Variants in NELL2 observed in about 807,000 individuals in gnomAD.
The protein encoded by NELL2 is neural EGFL like 2, also known as protein kinase C-binding protein NELL2.
Under a neutral mutation model 109.6 loss-of-function variants are expected in NELL2, and 41 were observed. The ratio of observed to expected loss-of-function variants is 0.37; its 90% CI spans 0.29 to 0.49. The LOEUF is 0.49. Ranked by LOEUF, NELL2 falls within the 20% of genes least tolerant of loss-of-function variation. NELL2 has a pLI of 0.98. For missense variants in NELL2, 900 were observed against 1,008.3 expected (o/e 0.89, Z 1.45); for synonymous variants, 355 against 344.7 (o/e 1.03, Z -0.33).
At chr12:44,878,080 C>T (rs975547554), upstream of NELL2, among the ~76,000 whole-genome samples, 1 of 152,078 alleles carries the variant, frequency 6.6e-6, no homozygotes, top group African/African-American at 2.4e-5. Context: ...TACATATGCA[C>T]ATATATATTT....
chr12:44,550,856 C>G (rs80050018), intron 15 of NELL2, among the ~76,000 whole-genome samples: 2 of 152,010 alleles, frequency 1.3e-5, no homozygotes, highest in Non-Finnish European at 2.9e-5. Flanking sequence ...TTTCCAGCAG[C>G]TGAGGTTAAG....
At chr12:44,628,107 G>A (rs573067622) in intron 13 of NELL2, among the ~76,000 whole-genome samples, 9 of 151,928 alleles carry the variant, frequency 5.9e-5, no homozygotes, top group Non-Finnish European at 1.3e-4. Flanking sequence ...AAACAAAAAT[G>A]AGAAAAGAGG....
At chr12:44,684,991 T>C (rs944005090) in intron 12 of NELL2, among the ~76,000 whole-genome samples, 78 of 152,240 alleles carry the variant, frequency 5.1e-4, no homozygotes, top group Non-Finnish European at 9.7e-4. Flanking sequence ...TTCTGTCTCG[T>C]TGATCTGTCT....
intron 15 of NELL2, among the ~76,000 whole-genome samples, chr12:44,567,622 A>T: frequency 6.6e-6 from 1 of 152,214 alleles, no homozygotes; most frequent in East Asian, 1.9e-4. Context: ...GGAGGAAAAA[A>T]ATAAAGAGGA....
chr12:44,517,070 C>T (rs1941301513), intron 19 of NELL2, among the ~76,000 whole-genome samples: 2 of 150,096 alleles, frequency 1.3e-5, no homozygotes, highest in South Asian at 2.1e-4. Context: ...ACACTTTTTC[C>T]ATGTGGAATT....
chr12:44,657,332 T>A (rs1191572409), intron 13 of NELL2, among the ~76,000 whole-genome samples: 2 of 151,920 alleles, frequency 1.3e-5, no homozygotes, highest in Non-Finnish European at 1.5e-5. Flanking sequence ...AGAGAGAGAG[T>A]GTGTGTGCGG....
chr12:44,864,681 G>T (rs1333627997), intron 2 of NELL2, among the ~76,000 whole-genome samples: 1 of 152,106 alleles, frequency 6.6e-6, no homozygotes, highest in Non-Finnish European at 1.5e-5. Context: ...AATCAATAAG[G>T]AAACATTTAA....
chr12:44,773,258 G>A (rs1941619523), intron 9 of NELL2, among the ~76,000 whole-genome samples: 1 of 152,094 alleles, frequency 6.6e-6, no homozygotes, highest in African/African-American at 2.4e-5. Flanking sequence ...GGCGGATCAC[G>A]AGGTCAGGAG....
chr12:44,691,193 T>G (rs1182722522), intron 12 of NELL2, among the ~76,000 whole-genome samples: 6 of 152,182 alleles, frequency 3.9e-5, no homozygotes, highest in Non-Finnish European at 7.4e-5. Context: ...AACCCTACAT[T>G]GACCAAGTCT....
intron 15 of NELL2, among the ~76,000 whole-genome samples, chr12:44,596,714 C>T (rs1343759552): frequency 6.6e-6 from 1 of 152,106 alleles, no homozygotes; most frequent in Non-Finnish European, 1.5e-5. Flanking sequence ...AGGCATAAGC[C>T]ACATCACATC....
chr12:44,611,069 C>T (rs1188602355), intron 13 of NELL2, 99 bp from the exon 14 acceptor site: 64 of 1,137,434 alleles, frequency 5.6e-5, no homozygotes, highest in Non-Finnish European at 7.9e-5. Context: ...TAAATTCTTT[C>T]AACCACAGAC....
intron 12 of NELL2, among the ~76,000 whole-genome samples, chr12:44,699,856 G>T (rs1399841910): frequency 4.6e-5 from 7 of 152,034 alleles, no homozygotes; most frequent in African/African-American, 1.7e-4. Flanking sequence ...CCATGAGTTT[G>T]CTATCGCCAT....
intron 15 of NELL2, among the ~76,000 whole-genome samples, chr12:44,593,457 T>C (rs1026253131): frequency 2.0e-5 from 3 of 152,230 alleles, no homozygotes; most frequent in Admixed American, 1.3e-4. Flanking sequence ...TACATTTACA[T>C]GGTACTGTGT....
chr12:44,646,264 T>C (rs767324996), intron 13 of NELL2, among the ~76,000 whole-genome samples: 1 of 152,072 alleles, frequency 6.6e-6, no homozygotes, highest in Non-Finnish European at 1.5e-5. Flanking sequence ...GCACTGAGAG[T>C]TAAGCAACTT....
chr12:44,630,482 T>C (rs1042152375), intron 13 of NELL2, among the ~76,000 whole-genome samples: 1 of 152,150 alleles, frequency 6.6e-6, no homozygotes. Context: ...AGTGTATATC[T>C]TTTGAAAAGT....
chr12:44,592,156 T>A (rs944857721), intron 15 of NELL2, among the ~76,000 whole-genome samples: 2 of 152,148 alleles, frequency 1.3e-5, no homozygotes, highest in African/African-American at 2.4e-5. Context: ...GATACATGAT[T>A]TAACCTCCCT....
intron 15 of NELL2, among the ~76,000 whole-genome samples, chr12:44,559,388 T>C (rs944666496): frequency 1.3e-5 from 2 of 152,124 alleles, no homozygotes; most frequent in African/African-American, 4.8e-5. Context: ...ACTAGCAAAT[T>C]GGATAAAGAG....
intron 9 of NELL2, among the ~76,000 whole-genome samples, chr12:44,739,969 G>T (rs1039529767): frequency 3.3e-5 from 5 of 152,138 alleles, no homozygotes; most frequent in Non-Finnish European, 7.4e-5. Context: ...TATCATTTGT[G>T]GCTGCTTTCA....
intron 15 of NELL2, among the ~76,000 whole-genome samples, chr12:44,590,800 T>C (rs1038050495): frequency 2.6e-5 from 4 of 151,312 alleles, no homozygotes; most frequent in Admixed American, 2.0e-4. Context: ...AGCTTCTGCA[T>C]AGCAAAGGAA....
Sources: gnomAD v4.1 joint callset for allele counts (sites outside exome capture counted in the v4.1 genomes callset) on GRCh38, gnomAD v4.1.1 for gene constraint, MANE v1.5 for transcripts, NCBI Gene and HGNC (gene_info 2026-07-23, HGNC 2026-07-21) for gene names.